The following PCDHGA2 variants were observed in gnomAD, a reference collection of about 807,000 sequenced individuals.
PCDHGA2 encodes protocadherin gamma subfamily A, 2, also known as protocadherin gamma-A2.
Under a neutral mutation model 59.2 loss-of-function variants are expected in PCDHGA2, and 40 were observed. That is an observed-to-expected ratio of 0.68 (90% confidence interval 0.52 to 0.88). The LOEUF (loss-of-function observed/expected upper bound fraction) is 0.88, where lower values mean the gene tolerates loss of function less well. Among genes scored for constraint, PCDHGA2 ranks in the 40% least tolerant of loss-of-function variants. The pLI, the probability that PCDHGA2 is intolerant of heterozygous loss-of-function variation, is 0.00. For synonymous variants in PCDHGA2, 560 were observed against 526.0 expected, an observed-to-expected ratio of 1.06 and a Z score of -0.89; for missense variants, 1,226 against 1,204.0, an observed-to-expected ratio of 1.02 and a Z score of -0.27.
chr5:141,444,920 G>A (rs2098451595), intron 1 of PCDHGA2, among the ~76,000 whole-genome samples: 1 of 152,110 alleles, frequency 6.6e-6, no homozygotes, highest in Non-Finnish European at 1.5e-5. Context: ...ACCTTTATCA[G>A]GGAAAGAGGG....
rs536970079 is a variant in PCDHGA2 at position 141,405,367 on chromosome 5, T to C, written c.2424+63972T>C. The C allele has an allele frequency of 1.9e-5, 30 of 1,613,694 alleles. No homozygotes were observed. In the African/African-American group the frequency reaches 3.2e-4, roughly 17 times the overall value. The stretch of plus-strand genomic sequence containing the variant: ...CCAAGTTTCCTATAGAAGACACCCC[T>C]TTGGTTCCGGTGAGTTCATTTTTTT... On this transcript the variant is annotated intron_variant, in intron 1 of 3. Transcript: ENST00000394576.
intron 1 of PCDHGA2, chr5:141,376,018 C>T (rs761668305): frequency 9.9e-6 from 16 of 1,613,312 alleles, no homozygotes; most frequent in Admixed American, 5.0e-5. Flanking sequence ...TAGTGGTGGC[C>T]GTCCAGGACC....
chr5:141,341,412 C>A lies in PCDHGA2; in HGVS notation c.2424+17C>A, dbSNP rs537088707. 2.5e-6 allele frequency: 4 copies of A among 1,614,116 alleles called. No homozygotes were observed. The highest frequency in any genetic ancestry group is 3.4e-6 in the Non-Finnish European group (4 of 1,180,008). On this transcript the variant is annotated intron_variant, in intron 1 of 3. Transcript: ENST00000394576. ...TTTTCTCAGGTAATCTATCTTTTCA[C>A]AACATACGTACTAGCTAGTTTGCTG...
chr5:141,427,434 A>G (rs2097026509), intron 1 of PCDHGA2: 1 of 473,650 alleles, frequency 2.1e-6, no homozygotes, highest in African/African-American at 2.0e-5. Context: ...TACATGCCTC[A>G]TAAACGAAAG....
intron 1 of PCDHGA2, among the ~76,000 whole-genome samples, chr5:141,425,919 GA>G (rs2096903434): frequency 6.6e-6 from 1 of 152,056 alleles, no homozygotes; most frequent in African/African-American, 2.4e-5. Flanking sequence ...CAGTCACTAC[GA>G]AAACTCATAA....
intron 1 of PCDHGA2, among the ~76,000 whole-genome samples, chr5:141,464,689 TATTATGA>T (rs1378742227): frequency 4.6e-5 from 7 of 152,182 alleles, no homozygotes; most frequent in Admixed American, 2.6e-4. Context: ...AAATTTCTCT[TATTATGA>T]ATGAGGTTAA....
At position 141,511,393 on chromosome 5, in the gene PCDHGA2, C is replaced by G. The variant is rs1257680621; in HGVS notation, c.*220C>G. The G allele has an allele frequency of 2.8e-6, 3 of 1,067,816 alleles. No individual in the cohort carries two copies. The highest frequency in any genetic ancestry group is 3.9e-6 in the Non-Finnish European group (3 of 764,518). The allele number at this position is 1,067,816 out of a possible 1,614,324, so 66.1% of individuals were successfully genotyped here. A position where few individuals can be genotyped will look rare whatever the true frequency, so the allele number is the denominator to read the frequency against. On this transcript the variant is annotated 3_prime_UTR_variant, in exon 4 of 4. Coordinates refer to ENST00000394576, the MANE Select transcript of PCDHGA2 (RefSeq NM_018915.4). ...CAAAAGCAGTTCCGCTGGGAACCCC[C>G]ATCCAATCAACTGCTGTACCCATGG...
intron 1 of PCDHGA2, chr5:141,427,927 T>C (rs1238523389): frequency 6.3e-7 from 1 of 1,580,112 alleles, no homozygotes; most frequent in Non-Finnish European, 8.7e-7. Context: ...AGCCGGCGCA[T>C]GTTGGTGGGC....
intron 2 of PCDHGA2, among the ~76,000 whole-genome samples, chr5:141,501,703 G>A (rs183907124): frequency 6.6e-6 from 1 of 152,088 alleles, no homozygotes; most frequent in Non-Finnish European, 1.5e-5. Flanking sequence ...GTGATTCCGA[G>A]GATAAAAAAG....
In PCDHGA2 at chr5:141,489,087, T is replaced by A. The variant is rs2099682381; in HGVS notation, c.2425-5720T>A. ...CCCCCTGCCCACCCCCGCCACTCGG[T>A]GACTAAGAACTGCTGCAAGCAGGCA... is the stretch of plus-strand genomic sequence containing the variant. On this transcript the variant is annotated intron_variant, in intron 1 of 3. Coordinates refer to ENST00000394576, the MANE Select transcript of PCDHGA2 (RefSeq NM_018915.4). This position sits in a 1 kb window ranked among gnomAD's most constrained non-coding sequence, Gnocchi z 4.5. The A allele has an allele frequency of 4.6e-6, 1 of 216,106 alleles. No individual in the cohort carries two copies. Among genetic ancestry groups the A allele is most frequent in the Non-Finnish European group, 8.4e-6 (1 of 118,734 alleles). 13.4% of individuals were successfully genotyped at this position (216,106 alleles called of 1,614,324 possible). A position where few individuals can be genotyped will look rare whatever the true frequency, so the allele number is the denominator to read the frequency against.
chr5:141,405,231 C>A, intron 1 of PCDHGA2: 1 of 1,614,130 alleles, frequency 6.2e-7, no homozygotes, highest in Non-Finnish European at 8.5e-7. Flanking sequence ...TTCTCCCTCA[C>A]CGCTGACTCA....
intron 1 of PCDHGA2, chr5:141,440,531 C>G (rs931337116): frequency 6.6e-6 from 1 of 152,272 alleles, no homozygotes; most frequent in Middle Eastern, 3.4e-3. Flanking sequence ...GAATCATGCA[C>G]CACGGTTCAG....
At chr5:141,375,722 T>TCA (rs1339196797) in intron 1 of PCDHGA2, 5 of 1,614,260 alleles carry the variant, frequency 3.1e-6, no homozygotes, top group African/African-American at 2.7e-5. Context: ...CAGCAACGTG[T>TCA]CACTGAGCCT....
At position 141,467,151 on chromosome 5, in the gene PCDHGA2, C is replaced by T. The variant is rs527879624; in HGVS notation, c.2425-27656C>T. ...CACTGCAACCTCTGCCTCCCAGGTT[C>T]AAGTGATTCTCATCTCTCAGCCTCC... is the stretch of plus-strand genomic sequence containing the variant. On this transcript the variant is annotated intron_variant, in intron 1 of 3. Transcript: ENST00000394576. Among the ~76,000 whole-genome samples the T allele has an allele frequency of 4.0e-5, 6 of 151,660 alleles. No homozygotes were observed. In the East Asian group the frequency reaches 7.8e-4, roughly 20 times the overall value.
chr5:141,492,851 C>T (rs1289268967), intron 1 of PCDHGA2, among the ~76,000 whole-genome samples: 2 of 152,204 alleles, frequency 1.3e-5, no homozygotes, highest in Non-Finnish European at 2.9e-5. Flanking sequence ...GTGAAAGCCT[C>T]GAGCGCCCTG....
At chr5:141,378,267 G>C (rs747573302) in intron 1 of PCDHGA2, 4 of 152,292 alleles carry the variant, frequency 2.6e-5, no homozygotes, top group Non-Finnish European at 5.9e-5. Context: ...GCTCATGCCT[G>C]TAATCCCAAC....
At chr5:141,379,459 C>G (rs1775609883) in intron 1 of PCDHGA2, 1 of 152,182 alleles carries the variant, frequency 6.6e-6, no homozygotes, top group East Asian at 1.9e-4. Flanking sequence ...TTCATAAACT[C>G]TGAAAGTGTG....
chr5:141,418,987 A>AG (rs781016682), intron 1 of PCDHGA2: 1 of 1,613,974 alleles, frequency 6.2e-7, no homozygotes, highest in South Asian at 1.1e-5. Context: ...ACCAAGACTC[A>AG]GGGGAAAATG....
chr5:141,445,361 G>A (rs2098464750), intron 1 of PCDHGA2, among the ~76,000 whole-genome samples: 2 of 152,138 alleles, frequency 1.3e-5, no homozygotes, highest in African/African-American at 4.8e-5. Context: ...GCCCAAGTCT[G>A]GTCCTGGGTG....
Sources: allele counts gnomAD v4.1 joint callset (sites outside exome capture counted in the v4.1 genomes callset), GRCh38; gene constraint gnomAD v4.1.1; non-coding constraint Gnocchi (gnomAD v3.1); transcripts MANE v1.5; gene names NCBI Gene and HGNC (gene_info 2026-07-23, HGNC 2026-07-21).